Variants in COL28A1 observed in about 807,000 individuals in gnomAD.
COL28A1 encodes collagen alpha-1(XXVIII) chain.
In COL28A1, 161 loss-of-function variants were observed where a neutral mutation model predicts 150.2. That is an observed-to-expected ratio of 1.07 (90% CI 0.94 to 1.22). The LOEUF is 1.22. COL28A1 is among the 50% of genes most tolerant of loss of function. The pLI, the probability that COL28A1 is intolerant of heterozygous loss-of-function variation, is 0.00. For missense variants in COL28A1, 1,617 were observed against 1,388.3 expected (o/e 1.16, Z -2.62); for synonymous variants, 552 against 469.7 (o/e 1.18, Z -2.26).
intron 18 of COL28A1, among the ~76,000 whole-genome samples, chr7:7,450,584 T>A (rs531527257): frequency 8.5e-5 from 13 of 152,162 alleles, no homozygotes; most frequent in Non-Finnish European, 1.8e-4. Flanking sequence ...GAAGGTAAAC[T>A]GGCACAAGCA....
chr7:7,386,539 C>G (rs1004145305), intron 27 of COL28A1, among the ~76,000 whole-genome samples: 1 of 152,172 alleles, frequency 6.6e-6, no homozygotes, highest in Non-Finnish European at 1.5e-5. Context: ...AATTCACCTA[C>G]CTGGTGGAGG....
intron 15 of COL28A1, among the ~76,000 whole-genome samples, chr7:7,472,045 A>T (rs1788478233): frequency 1.3e-5 from 2 of 152,224 alleles, no homozygotes; most frequent in African/African-American, 4.8e-5. Flanking sequence ...ACCATCTATG[A>T]CAAACCCATA....
At chr7:7,367,186 A>C (rs1026146549) in intron 33 of COL28A1, among the ~76,000 whole-genome samples, 1 of 152,216 alleles carries the variant, frequency 6.6e-6, no homozygotes, top group Admixed American at 6.5e-5. Context: ...CCTAGAAGCA[A>C]TAGGCTAAAC....
intron 25 of COL28A1, among the ~76,000 whole-genome samples, chr7:7,423,800 G>C (rs1287113776): frequency 6.6e-6 from 1 of 152,128 alleles, no homozygotes; most frequent in African/African-American, 2.4e-5. Flanking sequence ...TCAATGCTCA[G>C]TGTTGCTATT....
At chr7:7,397,635 C>T (rs1253387460) in intron 27 of COL28A1, among the ~76,000 whole-genome samples, 1 of 152,184 alleles carries the variant, frequency 6.6e-6, no homozygotes. Context: ...CTTGAAATAG[C>T]GTATTCAGTA....
intron 15 of COL28A1, among the ~76,000 whole-genome samples, chr7:7,461,666 T>C (rs779918303): frequency 1.6e-4 from 25 of 152,060 alleles, no homozygotes; most frequent in Non-Finnish European, 2.9e-4. Context: ...GCCATTATCC[T>C]CCTAGGTATA....
At chr7:7,510,965 A>G in intron 9 of COL28A1, 126 bp downstream of exon 9, 1 of 738,782 alleles carries the variant, frequency 1.4e-6, no homozygotes. Context: ...ACAGATGTGA[A>G]AAATTGAGCC....
chr7:7,530,441 T>C (rs1297805677), intron 3 of COL28A1, among the ~76,000 whole-genome samples: 2 of 152,252 alleles, frequency 1.3e-5, no homozygotes, highest in African/African-American at 2.4e-5. Context: ...CTGAGTTTTC[T>C]GTGCAAGCTG....
chr7:7,443,453 A>G (rs1359372268), intron 20 of COL28A1, 132 bp downstream of exon 20: 2 of 1,358,018 alleles, frequency 1.5e-6, no homozygotes, highest in African/African-American at 1.5e-5. Flanking sequence ...CTTCCAAGAC[A>G]GTATTCATAC....
intron 27 of COL28A1, among the ~76,000 whole-genome samples, chr7:7,388,184 C>G (rs990735474): frequency 6.6e-6 from 1 of 151,850 alleles, no homozygotes; most frequent in Non-Finnish European, 1.5e-5. Flanking sequence ...CATGACAGGC[C>G]TTGGTGTGTG....
At chr7:7,469,599 G>GA (rs1788261344) in intron 15 of COL28A1, among the ~76,000 whole-genome samples, 1 of 96,302 alleles carries the variant, frequency 1.0e-5, no homozygotes, top group South Asian at 4.4e-4. Flanking sequence ...CACAGAATTG[G>GA]AAAAAACTAC....
chr7:7,468,440 A>T (rs1242814294), intron 15 of COL28A1, among the ~76,000 whole-genome samples: 1 of 101,886 alleles, frequency 9.8e-6, no homozygotes, highest in Non-Finnish European at 1.9e-5. Flanking sequence ...GACCAATAAC[A>T]GGCTCTGAAA....
rs57194134 is a variant in COL28A1 at position 7,368,397 on chromosome 7, T to TTGTTTTTTTTTTTTG, written c.3066+2327_3066+2328insCAAAAAAAAAAAACA. Among the ~76,000 whole-genome samples, 313 of 142,198 alleles carry TTGTTTTTTTTTTTTG rather than the reference T, an allele frequency of 2.2e-3. 2 individuals are homozygous for TTGTTTTTTTTTTTTG. Among genetic ancestry groups the TTGTTTTTTTTTTTTG allele is most frequent in the African/African-American group, 7.5e-3 (298 of 39,992 alleles). 93.3% of individuals were successfully genotyped at this position (142,198 alleles called of 152,430 possible). ...GACTCCCTTTGCCTACTGTTTTTTT[T>TTGTTTTTTTTTTTTG]GTTTTTTGCTAGGAATACCCTTCCC... On this transcript the variant is annotated intron_variant, in intron 33 of 34. Transcript: ENST00000399429.
intron 9 of COL28A1, among the ~76,000 whole-genome samples, chr7:7,507,391 G>A (rs907979359): frequency 1.3e-5 from 2 of 152,060 alleles, no homozygotes; most frequent in Non-Finnish European, 2.9e-5. Context: ...ATGTAAGTCC[G>A]TTGCCTACAT....
chr7:7,376,435 T>C (rs1040541968), intron 30 of COL28A1, among the ~76,000 whole-genome samples: 6 of 152,206 alleles, frequency 3.9e-5, no homozygotes, highest in Non-Finnish European at 7.3e-5. Flanking sequence ...AATTTAACTT[T>C]TTAAACTGTA....
At chr7:7,475,718 A>C (rs943016609) in intron 14 of COL28A1, among the ~76,000 whole-genome samples, 11 of 152,206 alleles carry the variant, frequency 7.2e-5, no homozygotes, top group African/African-American at 2.7e-4. Context: ...TTTTCAGATT[A>C]TTTGGGCTAC....
At chr7:7,443,713 TC>T in intron 19 of COL28A1, 60 bp from the exon 20 acceptor site, 1 of 1,598,364 alleles carries the variant, frequency 6.3e-7, no homozygotes, top group Admixed American at 1.7e-5. Flanking sequence ...GTACGTATCA[TC>T]CCACCTTGTC....
chr7:7,339,421 A>G, the COL28A1 span, among the ~76,000 whole-genome samples: 1 of 152,040 alleles, frequency 6.6e-6, no homozygotes, highest in Non-Finnish European at 1.5e-5. Context: ...AACCTTACCA[A>G]ACCTTTTAGT....
At chr7:7,376,282 G>A (rs1781538184) in intron 30 of COL28A1, among the ~76,000 whole-genome samples, 1 of 152,150 alleles carries the variant, frequency 6.6e-6, no homozygotes, top group Non-Finnish European at 1.5e-5. Context: ...AGGACCAGTG[G>A]ACCCAATCTA....
Sources: allele counts gnomAD v4.1 joint callset (sites outside exome capture counted in the v4.1 genomes callset), GRCh38; gene constraint gnomAD v4.1.1; transcripts MANE v1.5; gene names NCBI Gene and HGNC (gene_info 2026-07-23, HGNC 2026-07-21).